Variants in PRDM5 observed in about 807,000 individuals in gnomAD.
PRDM5 encodes the protein PR domain zinc finger protein 5.
PRDM5 carries 56 observed loss-of-function variants against 81.2 expected under a neutral mutation model. The ratio of observed to expected loss-of-function variants is 0.69; its 90% CI spans 0.56 to 0.86. The LOEUF (loss-of-function observed/expected upper bound fraction) is 0.86. Among genes scored for constraint, PRDM5 ranks in the 40% least tolerant of loss-of-function variants. The pLI is 0.00. For synonymous variants in PRDM5, 267 were observed against 256.4 expected, an observed-to-expected ratio of 1.04 and a Z score of -0.39; for missense variants, 697 against 770.1, an observed-to-expected ratio of 0.91 and a Z score of 1.12.
chr4:120,687,577 C>T (rs1195750539), downstream of PRDM5, among the ~76,000 whole-genome samples: 1 of 152,052 alleles, frequency 6.6e-6, no homozygotes, highest in African/African-American at 2.4e-5. Context: ...GTGAATAATG[C>T]TACAATGTGT....
chr4:120,833,397 C>A (rs1165756442), intron 3 of PRDM5, among the ~76,000 whole-genome samples: 2 of 152,072 alleles, frequency 1.3e-5, no homozygotes, highest in Non-Finnish European at 2.9e-5. Flanking sequence ...GTTCATGTAA[C>A]CCTTATTCTA....
chr4:120,704,202 A>G (rs1235068274), intron 15 of PRDM5, among the ~76,000 whole-genome samples: 2 of 152,214 alleles, frequency 1.3e-5, no homozygotes, highest in African/African-American at 4.8e-5. Context: ...AGGATTAAAT[A>G]TCAGGAGAGA....
intron 15 of PRDM5, among the ~76,000 whole-genome samples, chr4:120,706,664 G>A (rs1022337510): frequency 1.3e-4 from 19 of 147,516 alleles, no homozygotes; most frequent in Non-Finnish European, 2.1e-4. Context: ...TGCCTAAGAG[G>A]TTAAAGTAGT....
At chr4:120,919,007 C>A (rs1724564635) in intron 1 of PRDM5, among the ~76,000 whole-genome samples, 1 of 152,182 alleles carries the variant, frequency 6.6e-6, no homozygotes, top group African/African-American at 2.4e-5. Flanking sequence ...CAGAGACAGG[C>A]ACTTTGAAAG....
intron 7 of PRDM5, among the ~76,000 whole-genome samples, chr4:120,814,433 G>T (rs189462444): frequency 9.9e-5 from 15 of 152,278 alleles, no homozygotes; most frequent in African/African-American, 3.1e-4. Flanking sequence ...CAACTGTACT[G>T]AATACACAAT....
chr4:120,796,632 A>T (rs1751388408), intron 10 of PRDM5, among the ~76,000 whole-genome samples: 1 of 152,206 alleles, frequency 6.6e-6, no homozygotes, highest in African/African-American at 2.4e-5. Context: ...CCCCGAATGT[A>T]CAATGCTTGA....
intron 15 of PRDM5, among the ~76,000 whole-genome samples, chr4:120,704,879 A>G (rs1735891042): frequency 6.6e-6 from 1 of 152,218 alleles, no homozygotes; most frequent in Non-Finnish European, 1.5e-5. Flanking sequence ...AGCGTGAAGA[A>G]CATGGCTCAG....
intron 14 of PRDM5, among the ~76,000 whole-genome samples, chr4:120,742,435 CTT>C (rs1274604504): frequency 3.3e-5 from 5 of 152,188 alleles, no homozygotes; most frequent in African/African-American, 1.2e-4. Context: ...CGGAGAATGA[CTT>C]TGACGAGTTG....
At chr4:120,748,897 G>A (rs1387304743) in intron 14 of PRDM5, among the ~76,000 whole-genome samples, 2 of 152,052 alleles carry the variant, frequency 1.3e-5, no homozygotes, top group African/African-American at 2.4e-5. Flanking sequence ...AGTTCACATA[G>A]GGCCTCTAAA....
chr4:120,749,201 T>C (rs979066712), intron 14 of PRDM5, among the ~76,000 whole-genome samples: 1 of 147,044 alleles, frequency 6.8e-6, no homozygotes, highest in African/African-American at 2.6e-5. Context: ...ATGAACTAAA[T>C]GTCAAAAAAA....
rs745528044 is a variant in PRDM5, at chr4:120,781,333, CAATAGCAGGGTCCTATT to C, written c.1283-47_1283-31del. ...GAAACAAAGAGAAACATTTAAGAAG[CAATAGCAGGGTCCTATT>C]AATTTCCTCCCATGTATGCCAGACT... is the stretch of plus-strand genomic sequence containing the variant. On this transcript the variant is annotated intron_variant, in intron 11 of 15. Transcript: ENST00000264808. 9.4e-6 allele frequency: 15 copies of C among 1,600,774 alleles called. No homozygotes were observed. The South Asian group carries it at 1.7e-4, about 18-fold the overall frequency.
intron 2 of PRDM5, among the ~76,000 whole-genome samples, chr4:120,877,563 G>T (rs1022720184): frequency 2.6e-5 from 4 of 152,226 alleles, no homozygotes; most frequent in African/African-American, 9.6e-5. Context: ...CCAGCACTTT[G>T]GGAGGCTGAG....
At chr4:120,907,193 A>T (rs1013163901) in intron 2 of PRDM5, among the ~76,000 whole-genome samples, 1 of 151,912 alleles carries the variant, frequency 6.6e-6, no homozygotes, top group East Asian at 1.9e-4. Context: ...AATTAGCTGG[A>T]CATGTTGGCA....
intron 1 of PRDM5, among the ~76,000 whole-genome samples, chr4:120,915,056 T>C (rs902132643): frequency 6.6e-6 from 1 of 152,080 alleles, no homozygotes; most frequent in Non-Finnish European, 1.5e-5. Flanking sequence ...TATACATTAC[T>C]CAGTGAGTGG....
chr4:120,811,475 T>G (rs377706988), intron 7 of PRDM5, 26 bp from the exon 8 acceptor site: 4 of 1,398,254 alleles, frequency 2.9e-6, no homozygotes, highest in Non-Finnish European at 4.0e-6. Context: ...AATACCATGA[T>G]GATTTAAATG....
chr4:120,815,144 A>G (rs1333271843), intron 7 of PRDM5, among the ~76,000 whole-genome samples: 2 of 152,232 alleles, frequency 1.3e-5, no homozygotes, highest in African/African-American at 4.8e-5. Flanking sequence ...ATTACAATAT[A>G]TTGCAGACAT....
intron 14 of PRDM5, among the ~76,000 whole-genome samples, chr4:120,750,927 G>GA (rs1415609854): frequency 6.6e-6 from 1 of 151,960 alleles, no homozygotes; most frequent in Non-Finnish European, 1.5e-5. Context: ...CCACACAGAT[G>GA]AAAAAATGGG....
At chr4:120,863,175 A>AAAAAAAAT (rs1553997140) in intron 2 of PRDM5, among the ~76,000 whole-genome samples, 15 of 60,672 alleles carry the variant, frequency 2.5e-4, no homozygotes, top group African/African-American at 8.1e-4. Context: ...AAAAAAAAAA[A>AAAAAAAAT]ATATATATAT....
At chr4:120,747,278 C>T (rs1292394498) in intron 14 of PRDM5, among the ~76,000 whole-genome samples, 2 of 109,782 alleles carry the variant, frequency 1.8e-5, no homozygotes, top group African/African-American at 7.3e-5. Flanking sequence ...ACTCTGGGGA[C>T]TGTTGTGGGG....
Sources: gnomAD v4.1 joint callset for allele counts (sites outside exome capture counted in the v4.1 genomes callset) on GRCh38, gnomAD v4.1.1 for gene constraint, MANE v1.5 for transcripts, NCBI Gene and HGNC (gene_info 2026-07-23, HGNC 2026-07-21) for gene names.